GTPBP4: variants seen among roughly 807,000 people sequenced by gnomAD.
GTPBP4 encodes GTP binding protein 4, also known as GTP-binding protein 4.
Under a neutral mutation model 81.7 loss-of-function variants are expected in GTPBP4, and 15 were observed. The observed-to-expected ratio is 0.18, with a 90% CI of 0.12 to 0.28. The LOEUF (loss-of-function observed/expected upper bound fraction) is 0.28. GTPBP4 is among the 10% of genes least tolerant of loss of function. The pLI is 1.00. For missense variants in GTPBP4, 847 were observed against 793.8 expected (o/e 1.07, Z -0.81); for synonymous variants, 272 against 274.6 (o/e 0.99, Z 0.09).
intron 11 of GTPBP4, 50 bp downstream of exon 11, chr10:1,009,085 G>C (rs1831804010): frequency 7.3e-7 from 1 of 1,374,190 alleles, no homozygotes; most frequent in African/African-American, 1.4e-5. Flanking sequence ...GAGGCAGGCT[G>C]TGTGTGCCCA....
rs1274207100 is a variant in GTPBP4 at position 996,019 on chromosome 10, A to G, written c.310A>G (p.Asn104Asp). 1.2e-6 allele frequency: 2 copies of G among 1,604,112 alleles called. No homozygotes were observed. The highest frequency in any genetic ancestry group is 8.5e-7 in the Non-Finnish European group (1 of 1,170,938). Residue 104 changes from asparagine (N) to aspartate (D), a missense_variant, in exon 3 of 17, where the codon AAT becomes GAT. Asn to Asp is a conservative substitution (Grantham distance 23, BLOSUM62 1). Coordinates refer to ENST00000360803, the MANE Select transcript of GTPBP4 (RefSeq NM_012341.3). ...LALGQINIAK[N>D]LVDNVAKDYV... ...TCTGGGGCAAATAAATATTGCCAAA[A>G]ATTTAGTGGACAAGTAAGGTACTTT...
At chr10:1,001,195 A>G (rs557852305) in intron 8 of GTPBP4, among the ~76,000 whole-genome samples, 182 bp downstream of exon 8, 2 of 152,362 alleles carry the variant, frequency 1.3e-5, no homozygotes, top group South Asian at 2.1e-4. Context: ...TTGGCAAACT[A>G]AAACGAAAAC....
intron 4 of GTPBP4, 82 bp from the exon 5 acceptor site, chr10:997,126 G>C: frequency 1.2e-6 from 1 of 848,716 alleles, no homozygotes; most frequent in Non-Finnish European, 2.0e-6. Context: ...CATAGGCCTG[G>C]ACTGTAACTA....
intron 15 of GTPBP4, among the ~76,000 whole-genome samples, chr10:1,015,383 T>C (rs1831960299): frequency 1.4e-5 from 2 of 138,592 alleles, no homozygotes; most frequent in African/African-American, 3.0e-5. Flanking sequence ...TCCTGAGCTC[T>C]GAGCCTGGGA....
At chr10:1,001,121 G>A in intron 8 of GTPBP4, 108 bp downstream of exon 8, 3 of 710,578 alleles carry the variant, frequency 4.2e-6, no homozygotes, top group Non-Finnish European at 2.5e-6. Context: ...GTCCACAATT[G>A]TATTTTATAG....
rs905102921 is a variant in GTPBP4, at chr10:1,013,338, A to G, written c.1542+676A>G. On this transcript the variant is annotated intron_variant, in intron 14 of 16. Transcript: ENST00000360803. ...AATCTGGACTCTTTAGGCCGGGCGC[A>G]GTGGCTCACGCCTGTAATCTCAGCA... Among the ~76,000 whole-genome samples the G allele has an allele frequency of 1.5e-4, 22 of 148,954 alleles. 1 individual carries two copies. Among genetic ancestry groups the G allele is most frequent in the South Asian group, 1.4e-3 (6 of 4,354 alleles).
At chr10:1,014,356 C>A (rs368202027) in intron 15 of GTPBP4, 44 bp downstream of exon 15, 2 of 1,402,936 alleles carry the variant, frequency 1.4e-6, no homozygotes, top group Non-Finnish European at 2.0e-6. Context: ...CTGGATACAC[C>A]TTTTTAATAA....
chr10:1,011,117 G>C (rs112462231), intron 13 of GTPBP4, among the ~76,000 whole-genome samples: 99 of 85,968 alleles, frequency 1.2e-3, no homozygotes, highest in African/African-American at 2.4e-3. Flanking sequence ...CCCACCCCGA[G>C]ACTCTGGTGG....
In GTPBP4 at chr10:995,967, C is replaced by G. The variant is rs1564466012; in HGVS notation, c.258C>G (p.Leu86=). Residue 86 remains leucine (L), a synonymous_variant, in exon 3 of 17, where the codon CTC becomes CTG. Transcript: ENST00000360803. ...TCTATGCTGATTTGATGAATATTCT[C>G]TACGACAAGGATCATTACAAGTTGG... ...HPFYADLMNI[L]YDKDHYKLAL... The G allele has an allele frequency of 1.2e-6, 2 of 1,611,408 alleles. No homozygotes were observed. The highest frequency in any genetic ancestry group is 1.7e-6 in the Non-Finnish European group (2 of 1,177,552).
chr10:1,017,470 C>T lies in GTPBP4; in HGVS notation c.*243C>T. The stretch of plus-strand genomic sequence containing the variant: ...ACATTTAATGGAGTATCAGTTGCTT[C>T]AGATTTTCAGAACTGGGAAGATTTA... On this transcript the variant is annotated 3_prime_UTR_variant, in exon 17 of 17. Coordinates refer to ENST00000360803, the MANE Select transcript of GTPBP4 (RefSeq NM_012341.3). 1 of 355,954 alleles carries T rather than the reference C, an allele frequency of 2.8e-6. No homozygotes were observed. The highest frequency in any genetic ancestry group is 5.0e-6 in the Non-Finnish European group (1 of 198,942). The allele number at this position is 355,954 out of a possible 1,614,324, so 22.0% of individuals were successfully genotyped here.
chr10:1,014,660 A>G (rs2132175328), intron 15 of GTPBP4, among the ~76,000 whole-genome samples: 1 of 152,246 alleles, frequency 6.6e-6, no homozygotes, highest in South Asian at 2.1e-4. Flanking sequence ...CTCCATCTCA[A>G]AAAAAAGAAA....
Position 992,136 on chromosome 10 carries a change from C to T in GTPBP4, c.49-353C>T, listed in dbSNP as rs141304056. Among the ~76,000 whole-genome samples the T allele has an allele frequency of 1.6e-3, 235 of 151,432 alleles. 2 individuals carry two copies. In the East Asian group the frequency reaches 0.027, roughly 18 times the overall value. On this transcript the variant is annotated intron_variant, in intron 1 of 16. Coordinates refer to ENST00000360803, the MANE Select transcript of GTPBP4 (RefSeq NM_012341.3). ...GGTTTCAGGGCCGGGCGTGGTGGCT[C>T]ACACCTGTAATCCCAGCACTTTGGG...
Position 996,162 on chromosome 10 carries a change from A to G in GTPBP4, c.380A>G (p.Lys127Arg). The change falls in exon 4 of 17, where the codon AAA becomes AGA. Residue 127 changes from lysine to arginine, a missense_variant. Physicochemically the swap from Lys to Arg is conservative, Grantham distance 26 (BLOSUM62 2). Transcript: ENST00000360803. ...TATGGCGACTCTCTCTACCGCTGCAAACAGCTGAAGCGTGCGGCCCTGGGA... is the reference window on the plus strand; with the variant it reads ...TATGGCGACTCTCTCTACCGCTGCAGACAGCTGAAGCGTGCGGCCCTGGGA... ...MKYGDSLYRC[K>R]QLKRAALGRM... 1.2e-6 allele frequency: 2 copies of G among 1,613,266 alleles called. No individual in the cohort carries two copies. Among genetic ancestry groups the G allele is most frequent in the Non-Finnish European group, 1.7e-6 (2 of 1,179,200 alleles).
At position 1,019,756 on chromosome 10, in the gene GTPBP4, T is replaced by A; in HGVS notation, c.*2529T>A. On this transcript the variant is annotated 3_prime_UTR_variant, in exon 17 of 17. Coordinates refer to ENST00000360803, the MANE Select transcript of GTPBP4 (RefSeq NM_012341.3). ...TTCCTCACAAGCAGAAGGTAACAAATTTCATGCTCTCCCCAAATTCTGTCT... is the reference window on the plus strand; with the variant it reads ...TTCCTCACAAGCAGAAGGTAACAAAATTCATGCTCTCCCCAAATTCTGTCT... 1.9e-6 allele frequency: 3 copies of A among 1,614,000 alleles called. No individual in the cohort carries two copies. Among genetic ancestry groups the A allele is most frequent in the Non-Finnish European group, 2.5e-6 (3 of 1,179,992 alleles).
Position 988,595 on chromosome 10 carries a change from G to C in GTPBP4, c.48+68G>C, listed in dbSNP as rs765883483. On this transcript the variant is annotated intron_variant, in intron 1 of 16. Transcript: ENST00000360803. ...TCAGCTGGGTCCCCGGGGAGGGTCC[G>C]GGCCTGTAGCCGTGGGAGAGCGGTC... 9.6e-5 allele frequency: 120 copies of C among 1,251,294 alleles called. 1 individual carries two copies. Among genetic ancestry groups the C allele is most frequent in the Admixed American group, 1.4e-4 (8 of 58,264 alleles). 77.5% of individuals were successfully genotyped at this position (1,251,294 alleles called of 1,614,324 possible).
chr10:992,618 G>A lies in GTPBP4; in HGVS notation c.178G>A (p.Asp60Asn), dbSNP rs901349962. ...KVKFTQQNYH[D>N]RLSQILTDFP... The stretch of plus-strand genomic sequence containing the variant: ...CAAATTTACTCAACAGAATTACCAT[G>A]ATAGACTTTCACAAATTCTAACAGA... Residue 60 changes from aspartate to asparagine, a missense_variant, in exon 2 of 17, where the codon GAT (aspartate) becomes AAT (asparagine). Transcript: ENST00000360803. The A allele has an allele frequency of 1.2e-6, 2 of 1,607,098 alleles. No individual in the cohort carries two copies. The highest frequency in any genetic ancestry group is 1.7e-6 in the Non-Finnish European group (2 of 1,174,916).
chr10:1,012,724 T>A, intron 14 of GTPBP4, 62 bp downstream of exon 14: 1 of 1,157,812 alleles, frequency 8.6e-7, no homozygotes, highest in Non-Finnish European at 1.3e-6. Context: ...TCCTGTGTGA[T>A]CATTGCTAAA....
At position 1,009,553 on chromosome 10, in the gene GTPBP4, G is replaced by C; in HGVS notation, c.1216G>C (p.Gly406Arg). ...GGAACGAGATCTTGAGCTGGAAATG[G>C]GAGATGATTATATTTTGGATCTTCA... ...KRERDLELEM[G>R]DDYILDLQKY... The change falls in exon 12 of 17, where the codon GGA (glycine) becomes CGA (arginine). Residue 406 changes from glycine to arginine, a missense_variant. This residue lies in a region of GTPBP4 where 600 missense variants were observed against 557.1 expected (regional missense o/e 1.08). Coordinates refer to ENST00000360803, the MANE Select transcript of GTPBP4 (RefSeq NM_012341.3). 6.2e-7 allele frequency: 1 copy of C among 1,603,044 alleles called. No homozygotes were observed. The highest frequency in any genetic ancestry group is 8.5e-7 in the Non-Finnish European group (1 of 1,169,882).
chr10:1,012,919 CTG>C (rs1472766567), intron 14 of GTPBP4, among the ~76,000 whole-genome samples: 2 of 152,198 alleles, frequency 1.3e-5, no homozygotes, highest in Non-Finnish European at 2.9e-5. Flanking sequence ...CAGATTAAAA[CTG>C]TAACTTATGG....
Sources: allele counts gnomAD v4.1 joint callset (sites outside exome capture counted in the v4.1 genomes callset), GRCh38; gene constraint gnomAD v4.1.1; regional missense constraint gnomAD v4.1.1; transcripts MANE v1.5; gene names NCBI Gene and HGNC (gene_info 2026-07-23, HGNC 2026-07-21).